PTPRG: variants seen among roughly 807,000 people sequenced by gnomAD.
PTPRG encodes protein tyrosine phosphatase receptor type G, also known as receptor-type tyrosine-protein phosphatase gamma.
PTPRG carries 102 observed loss-of-function variants against 165.3 expected under a neutral mutation model. The ratio of observed to expected loss-of-function variants is 0.62; its 90% confidence interval spans 0.53 to 0.73. PTPRG has a LOEUF of 0.73. PTPRG is among the 30% of genes least tolerant of loss of function. The pLI is 0.00. For missense variants in PTPRG, 1,866 were observed against 1,861.4 expected (o/e 1.00, Z -0.05); for synonymous variants, 675 against 669.5 (o/e 1.01, Z -0.13).
rs776683372 is a variant in PTPRG, at chr3:61,754,727, C to A, written c.190+5745C>A. On this transcript the variant is annotated intron_variant, in intron 2 of 29. Transcript: ENST00000474889. ...GGATCCCTTTAAATAACAAGCTCCC[C>A]TGGTGAACTTAAGATATAATTAAAT... 2.0e-5 allele frequency among the ~76,000 whole-genome samples: 3 copies of A among 152,182 alleles called. No individual in the cohort carries two copies. The South Asian group carries it at 6.2e-4, about 31-fold the overall frequency.
At chr3:62,159,301 A>C (rs1330868162) in intron 7 of PTPRG, among the ~76,000 whole-genome samples, 1 of 152,060 alleles carries the variant, frequency 6.6e-6, no homozygotes, top group Admixed American at 6.6e-5. Context: ...ACTGCGCTCC[A>C]GTGTGGATGA....
At chr3:61,630,997 A>G (rs557461775) in intron 1 of PTPRG, among the ~76,000 whole-genome samples, 4 of 152,272 alleles carry the variant, frequency 2.6e-5, no homozygotes, top group Non-Finnish European at 4.4e-5. Flanking sequence ...TGGAGGTTAC[A>G]GTGAGCCAAG....
intron 2 of PTPRG, among the ~76,000 whole-genome samples, chr3:61,963,339 A>T (rs1341734138): frequency 1.3e-5 from 2 of 152,182 alleles, no homozygotes; most frequent in African/African-American, 2.4e-5. Context: ...TTTACAGATT[A>T]CCAGATACCT....
chr3:62,281,722 T>G lies in PTPRG; in HGVS notation c.3912+13T>G. 6.2e-7 allele frequency: 1 copy of G among 1,604,910 alleles called. No homozygotes were observed. Among genetic ancestry groups the G allele is most frequent in the Non-Finnish European group, 8.5e-7 (1 of 1,175,072 alleles). On this transcript the variant is annotated intron_variant, in intron 27 of 29. Coordinates refer to ENST00000474889, the MANE Select transcript of PTPRG (RefSeq NM_002841.4). ...TGAAGCTACACAGGTAACCTAAACC[T>G]CAGTTCCTCACTAATAGCCATACCT...
At chr3:62,230,521 T>C (rs1700877384) in intron 13 of PTPRG, among the ~76,000 whole-genome samples, 1 of 152,216 alleles carries the variant, frequency 6.6e-6, no homozygotes, top group Admixed American at 6.5e-5. Context: ...TATAATTAAA[T>C]AAATACTTTC....
chr3:61,702,485 A>G (rs1472648898), intron 1 of PTPRG, among the ~76,000 whole-genome samples: 3 of 152,248 alleles, frequency 2.0e-5, no homozygotes, highest in African/African-American at 7.2e-5. Flanking sequence ...TCATTAAACA[A>G]TTAAAAAAAT....
intron 5 of PTPRG, among the ~76,000 whole-genome samples, chr3:62,079,515 G>C (rs1218980510): frequency 1.3e-5 from 2 of 152,196 alleles, no homozygotes; most frequent in African/African-American, 4.8e-5. Flanking sequence ...TGTATTTATA[G>C]AATTTGTTTA....
At chr3:62,289,119 T>A (rs900673797) in intron 28 of PTPRG, among the ~76,000 whole-genome samples, 3 of 152,194 alleles carry the variant, frequency 2.0e-5, no homozygotes, top group African/African-American at 7.2e-5. Context: ...AACTCTAGTC[T>A]CACTATGCGA....
In PTPRG at chr3:62,254,054, G is replaced by A. The variant is rs1208609109; in HGVS notation, c.2468-1070G>A. ...CTCGAAAGAAAGAAGGAATGACATA[G>A]TCAATGTTAACTGTCACCAGATGAA... On this transcript the variant is annotated intron_variant, in intron 15 of 29. Coordinates refer to ENST00000474889, the MANE Select transcript of PTPRG (RefSeq NM_002841.4). This position sits in a 1 kb window ranked among gnomAD's most constrained non-coding sequence, Gnocchi z 4.6. Among the ~76,000 whole-genome samples, 1 of 152,208 alleles carries A rather than the reference G, an allele frequency of 6.6e-6. No individual in the cohort carries two copies. Among genetic ancestry groups the A allele is most frequent in the African/African-American group, 2.4e-5 (1 of 41,458 alleles).
chr3:62,197,354 T>C (rs1470398290), intron 10 of PTPRG, among the ~76,000 whole-genome samples: 1 of 152,242 alleles, frequency 6.6e-6, no homozygotes, highest in East Asian at 1.9e-4. Context: ...AGCCTAGATT[T>C]CCTGCAAGGA....
intron 2 of PTPRG, among the ~76,000 whole-genome samples, chr3:61,948,136 C>T (rs1420416480): frequency 6.6e-6 from 1 of 152,060 alleles, no homozygotes; most frequent in Non-Finnish European, 1.5e-5. Context: ...ACCAGCCTAA[C>T]CAACTTAGAG....
intron 1 of PTPRG, among the ~76,000 whole-genome samples, chr3:61,664,198 G>GC (rs1321087608): frequency 6.6e-6 from 1 of 152,144 alleles, no homozygotes; most frequent in Admixed American, 6.5e-5. Flanking sequence ...GTGGATTATT[G>GC]CCAAGTTCCC....
chr3:62,051,542 T>C (rs1310495418), intron 4 of PTPRG, among the ~76,000 whole-genome samples: 2 of 152,228 alleles, frequency 1.3e-5, no homozygotes, highest in Non-Finnish European at 2.9e-5. Flanking sequence ...GGAATAATTA[T>C]ATTAAATTCA....
intron 1 of PTPRG, among the ~76,000 whole-genome samples, chr3:61,725,706 C>A (rs1476867465): frequency 1.4e-5 from 2 of 141,966 alleles, no homozygotes; most frequent in East Asian, 5.1e-4. Context: ...ACCACTACCC[C>A]CACCTTTTTT....
rs1701908364 is a variant in PTPRG, at chr3:62,090,986, A to C, written c.615+12728A>C. Among the ~76,000 whole-genome samples, 5 of 152,222 alleles carry C rather than the reference A, an allele frequency of 3.3e-5. No homozygotes were observed. In the South Asian group the frequency reaches 1.0e-3, roughly 32 times the overall value. On this transcript the variant is annotated intron_variant, in intron 5 of 29. Coordinates refer to ENST00000474889, the MANE Select transcript of PTPRG (RefSeq NM_002841.4). The stretch of plus-strand genomic sequence containing the variant: ...CAATTTGCTGCGAACTTCAAATGAG[A>C]TAATGTCTGTGAAAGTACTGTGGAG...
intron 2 of PTPRG, among the ~76,000 whole-genome samples, chr3:61,906,953 C>T (rs184357833): frequency 9.2e-4 from 139 of 151,648 alleles, no homozygotes; most frequent in African/African-American, 3.2e-3. Context: ...CAGGAAAGAG[C>T]GATATTTTTA....
intron 4 of PTPRG, among the ~76,000 whole-genome samples, chr3:62,020,307 C>T (rs1417223331): frequency 1.3e-5 from 2 of 152,098 alleles, no homozygotes; most frequent in Non-Finnish European, 2.9e-5. Flanking sequence ...AATTAACACA[C>T]TTTACTTTAA....
At position 62,003,471 on chromosome 3, in the gene PTPRG, A is replaced by G. The variant is rs374973218; in HGVS notation, c.493A>G (p.Ile165Val). ...TGGCTCAGCGGGCTCTGAACACAGCATCAATGGCAGGAGGTTTCCTGTTGA... is the reference window on the plus strand; with the variant it reads ...TGGCTCAGCGGGCTCTGAACACAGCGTCAATGGCAGGAGGTTTCCTGTTGA... Reference protein sequence around the residue: ...SNGSAGSEHSINGRRFPVEMQ... With the variant: ...SNGSAGSEHSVNGRRFPVEMQ... Residue 165 changes from isoleucine to valine, a missense_variant, in exon 4 of 30, where the codon ATC becomes GTC. Ile to Val is a conservative substitution (Grantham distance 29). Coordinates refer to ENST00000474889, the MANE Select transcript of PTPRG (RefSeq NM_002841.4). 8.7e-5 allele frequency: 141 copies of G among 1,613,910 alleles called. No individual in the cohort carries two copies. Among genetic ancestry groups the G allele is most frequent in the Admixed American group, 2.0e-4 (12 of 59,976 alleles).
intron 16 of PTPRG, among the ~76,000 whole-genome samples, chr3:62,260,386 G>T (rs1701659522): frequency 6.6e-6 from 1 of 152,060 alleles, no homozygotes; most frequent in Non-Finnish European, 1.5e-5. Flanking sequence ...TCTTTAAATA[G>T]CCTCTTGCAT....
Sources: gnomAD v4.1 joint callset for allele counts (sites outside exome capture counted in the v4.1 genomes callset) on GRCh38, gnomAD v4.1.1 for gene constraint, Gnocchi (gnomAD v3.1) non-coding constraint, MANE v1.5 for transcripts, NCBI Gene and HGNC (gene_info 2026-07-23, HGNC 2026-07-21) for gene names.